LOXL3: variants seen among roughly 807,000 people sequenced by gnomAD.
The protein encoded by LOXL3 is lysyl oxidase like 3.
Under a neutral mutation model 91.8 loss-of-function variants are expected in LOXL3, and 60 were observed. The observed-to-expected ratio is 0.65, with a 90% CI of 0.53 to 0.81. The LOEUF (loss-of-function observed/expected upper bound fraction) is 0.81. Ranked by LOEUF, LOXL3 falls within the 30% of genes least tolerant of loss-of-function variation. The probability of loss-of-function intolerance (pLI) is 0.00; values close to 1 mark genes in which losing one functional copy is unlikely to be tolerated. For missense variants in LOXL3, 874 were observed against 1,000.4 expected, an observed-to-expected ratio of 0.87 and a Z score of 1.70; for synonymous variants, 355 against 387.6, an observed-to-expected ratio of 0.92 and a Z score of 0.99.
At chr2:74,555,508 G>A, upstream of LOXL3, 1 of 1,611,258 alleles carries the variant, frequency 6.2e-7, no homozygotes. This position sits in a 1 kb window ranked among gnomAD's most constrained non-coding sequence, Gnocchi z 6.1. Flanking sequence ...GAGAAATGGG[G>A]CTGCCTCAGA....
intron 9 of LOXL3, 89 bp from the exon 10 acceptor site, chr2:74,534,863 T>TTTTTTG (rs1297927577): frequency 3.5e-6 from 5 of 1,427,166 alleles, no homozygotes; most frequent in Non-Finnish European, 3.8e-6. Context: ...GTAAGACTAG[T>TTTTTTG]TTTTTGTTTT....
At position 74,535,511 on chromosome 2, in the gene LOXL3, G is replaced by A. The variant is rs912460220; in HGVS notation, c.1417-57C>T. ...CCAGGATCCAGCATCTTGGGCCAAG[G>A]GACTCATTCCTCAGCCCTCTGCCCA... On this transcript the variant is annotated intron_variant, in intron 8 of 13. Coordinates refer to ENST00000264094, the MANE Select transcript of LOXL3 (RefSeq NM_032603.5). This position sits in a 1 kb window ranked among gnomAD's most constrained non-coding sequence, Gnocchi z 4.2. 13 of 1,611,862 alleles carry A rather than the reference G, an allele frequency of 8.1e-6. No individual in the cohort carries two copies. The highest frequency in any genetic ancestry group is 1.1e-5 in the Non-Finnish European group (13 of 1,179,750).
chr2:74,539,413 G>C (rs941989244), intron 4 of LOXL3, among the ~76,000 whole-genome samples: 1 of 152,130 alleles, frequency 6.6e-6, no homozygotes, highest in Non-Finnish European at 1.5e-5. Context: ...CCAGGTGGGG[G>C]AGTTGGGAAG....
At position 74,533,340 on chromosome 2, in the gene LOXL3, A is replaced by T; in HGVS notation, c.*266T>A. On this transcript the variant is annotated 3_prime_UTR_variant, in exon 14 of 14. Transcript: ENST00000264094. The stretch of plus-strand genomic sequence containing the variant: ...TGCCATCTTTTGTGGGCAGTTAGTC[A>T]GGTGCTGCTCTTTGTGGTGTGGTGG... The T allele has an allele frequency of 1.9e-6, 1 of 534,322 alleles. No homozygotes were observed. The highest frequency in any genetic ancestry group is 3.3e-6 in the Non-Finnish European group (1 of 300,044). 33.1% of individuals were successfully genotyped at this position (534,322 alleles called of 1,614,324 possible). A position where few individuals can be genotyped will look rare whatever the true frequency, so the allele number is the denominator to read the frequency against.
intron 2 of LOXL3, 126 bp from the exon 3 acceptor site, chr2:74,550,474 G>C: frequency 1.9e-6 from 2 of 1,043,370 alleles, no homozygotes; most frequent in Non-Finnish European, 2.8e-6. Flanking sequence ...TTTCTGGTAT[G>C]ATAAGGGGTG....
chr2:74,537,199 G>A (rs892764829), intron 4 of LOXL3, among the ~76,000 whole-genome samples: 1 of 152,212 alleles, frequency 6.6e-6, no homozygotes, highest in Non-Finnish European at 1.5e-5. Flanking sequence ...GTCTCGACTT[G>A]CCTGGAAGAA....
chr2:74,534,939 C>T (rs1243344578), intron 9 of LOXL3, among the ~76,000 whole-genome samples, 165 bp from the exon 10 acceptor site: 1 of 152,166 alleles, frequency 6.6e-6, no homozygotes. Context: ...AATGCAGCGG[C>T]GTGATCTTGG....
Position 74,549,222 on chromosome 2 carries a change from C to T in LOXL3, c.692+147G>A. 1.1e-6 allele frequency: 1 copy of T among 890,416 alleles called. No individual in the cohort carries two copies. 55.2% of individuals were successfully genotyped at this position (890,416 alleles called of 1,614,324 possible). On this transcript the variant is annotated intron_variant, in intron 4 of 13. Transcript: ENST00000264094. This position sits in a 1 kb window ranked among gnomAD's most constrained non-coding sequence, Gnocchi z 5.3. ...GGTCCCACAAGATTTCCCAACTCTC[C>T]AGCTTTGCAACGGCCTCCATATTTT...
At position 74,552,388 on chromosome 2, in the gene LOXL3, A is replaced by C; in HGVS notation, c.247T>G (p.Cys83Gly). The C allele has an allele frequency of 6.2e-7, 1 of 1,613,170 alleles. No homozygotes were observed. Among genetic ancestry groups the C allele is most frequent in the South Asian group, 1.1e-5 (1 of 91,082 alleles). ...DFTLQAAHIL[C>G]RELGFTEATG... ...GCCTCTGTGAAGCCCAGCTCCCGGC[A>C]GAGGATGTGGGCAGCCTGCAGCGTG... Residue 83 changes from cysteine (C) to glycine (G), a missense_variant, in exon 2 of 14, where the codon TGC becomes GGC. Cys to Gly is a radical substitution (Grantham distance 159). Transcript: ENST00000264094.
At chr2:74,551,716 G>C (rs1437811506) in intron 2 of LOXL3, among the ~76,000 whole-genome samples, 1 of 152,254 alleles carries the variant, frequency 6.6e-6, no homozygotes, top group Non-Finnish European at 1.5e-5. Flanking sequence ...GGGAACTGGG[G>C]AATCAGCTGC....
In LOXL3 at chr2:74,552,538, G is replaced by A. The variant is rs779618483; in HGVS notation, c.97C>T (p.Pro33Ser). The A allele has an allele frequency of 4.3e-6, 7 of 1,612,954 alleles. No individual in the cohort carries two copies. Among genetic ancestry groups the A allele is most frequent in the Non-Finnish European group, 5.9e-6 (7 of 1,179,680 alleles). The part of the protein sequence containing the change: ...CLGSPSPSTG[P>S]EKKAGSQGLR... ...CCCTGGCTCCCGGCCTTCTTCTCAG[G>A]GCCCGTGGAAGGGGACGGAGACCCC... is the stretch of plus-strand genomic sequence containing the variant. The change falls in exon 2 of 14, where the codon CCT becomes TCT. Residue 33 changes from proline to serine, a missense_variant. By Grantham distance (74) the Pro-to-Ser change is moderately conservative. Transcript: ENST00000264094.
chr2:74,544,580 G>A (rs1342651287), intron 4 of LOXL3, among the ~76,000 whole-genome samples: 1 of 152,128 alleles, frequency 6.6e-6, no homozygotes, highest in Non-Finnish European at 1.5e-5. Context: ...TTCATTACCT[G>A]TAAAAGAGTA....
chr2:74,533,111 C>A lies in LOXL3; in HGVS notation c.*495G>T. On this transcript the variant is annotated 3_prime_UTR_variant, in exon 14 of 14. Coordinates refer to ENST00000264094, the MANE Select transcript of LOXL3 (RefSeq NM_032603.5). Reference sequence around the variant, plus strand: ...GGGCAGGTCCCTCCAACCACCAGCACTGACTCCTGGGCTCTGAAGAATCAC... The same window carrying A: ...GGGCAGGTCCCTCCAACCACCAGCAATGACTCCTGGGCTCTGAAGAATCAC... 1 of 794,456 alleles carries A rather than the reference C, an allele frequency of 1.3e-6. No homozygotes were observed. The highest frequency in any genetic ancestry group is 2.5e-5 in the East Asian group (1 of 39,760). The allele number at this position is 794,456 out of a possible 1,614,324, so 49.2% of individuals were successfully genotyped here.
At chr2:74,540,677 T>TC (rs1676275033) in intron 4 of LOXL3, among the ~76,000 whole-genome samples, 1 of 148,812 alleles carries the variant, frequency 6.7e-6, no homozygotes, top group African/African-American at 2.5e-5. Flanking sequence ...TTTTTTTTTT[T>TC]TGGTCTTTGA....
In LOXL3 at chr2:74,536,769, GC is replaced by G. The variant is rs757697931; in HGVS notation, c.851del (p.Gly284AlafsTer26). On this transcript the variant is annotated frameshift_variant, in exon 5 of 14. Coordinates refer to ENST00000264094, the MANE Select transcript of LOXL3 (RefSeq NM_032603.5). LOFTEE classifies it high-confidence loss of function. This position sits in a 1 kb window ranked among gnomAD's most constrained non-coding sequence, Gnocchi z 4.5. ...GGCCACTGGATGCCGCGTAGACAGG[GC>G]CTGGCACACAGCTCACCACTGCAGG... is the stretch of plus-strand genomic sequence containing the variant. ...GGPAVVSCVP[G>X]PVYAASSGQK... is the part of the protein sequence containing the mutation. 6.2e-7 allele frequency: 1 copy of G among 1,614,204 alleles called. No individual in the cohort carries two copies. The highest frequency in any genetic ancestry group is 8.5e-7 in the Non-Finnish European group (1 of 1,180,024).
Position 74,536,707 on chromosome 2 carries a change from A to C in LOXL3, c.912+2T>G, listed in dbSNP as rs1573007415. The C allele has an allele frequency of 6.2e-7, 1 of 1,613,318 alleles. No homozygotes were observed. The highest frequency in any genetic ancestry group is 1.7e-5 in the Admixed American group (1 of 59,962). ...AAAGGTCATAATCACTGTCTCACAC[A>C]CCTCCCCCTGAGGCTTCGACTGTTG... is the stretch of plus-strand genomic sequence containing the variant. On this transcript the variant is annotated splice_donor_variant, in intron 5 of 13. Transcript: ENST00000264094. LOFTEE classifies it high-confidence loss of function. The surrounding 1 kb of genome is among the most constrained non-coding windows in gnomAD (Gnocchi z 4.5).
Position 74,533,920 on chromosome 2 carries a change from T to C in LOXL3, c.2150A>G (p.Tyr717Cys), listed in dbSNP as rs1675819019. 6.2e-7 allele frequency: 1 copy of C among 1,614,080 alleles called. No individual in the cohort carries two copies. The highest frequency in any genetic ancestry group is 1.3e-5 in the African/African-American group (1 of 74,932). Residue 717 changes from tyrosine to cysteine, a missense_variant, in exon 13 of 14, where the codon TAT (tyrosine) becomes TGT (cysteine). Coordinates refer to ENST00000264094, the MANE Select transcript of LOXL3 (RefSeq NM_032603.5). ...TNNAMKCNCK[Y>C]DGHRIWVHNC... The stretch of plus-strand genomic sequence containing the variant: ...GTGCACCCAGATTCTATGTCCATCA[T>C]ATTTGCAGTTACATTTCATTGCATT...
chr2:74,550,061 C>T (rs2104444007), intron 3 of LOXL3, 124 bp downstream of exon 3: 4 of 1,475,290 alleles, frequency 2.7e-6, no homozygotes, highest in South Asian at 1.4e-5. Flanking sequence ...TTTGCTTTTC[C>T]AAGTCTCCCA....
Position 74,536,172 on chromosome 2 carries a change from C to A in LOXL3, c.1094-22G>T. 6.2e-7 allele frequency: 1 copy of A among 1,612,842 alleles called. No individual in the cohort carries two copies. Among genetic ancestry groups the A allele is most frequent in the Non-Finnish European group, 8.5e-7 (1 of 1,180,012 alleles). On this transcript the variant is annotated intron_variant, in intron 6 of 13. Transcript: ENST00000264094. The surrounding 1 kb of genome is among the most constrained non-coding windows in gnomAD (Gnocchi z 4.5). ...ATGCCTAGGGCCAGATGGCAAAGAT[C>A]AGGAAGTTGTAATTAAGCATATATT...
Sources: gnomAD v4.1 joint callset for allele counts (sites outside exome capture counted in the v4.1 genomes callset) on GRCh38, gnomAD v4.1.1 for gene constraint, Gnocchi (gnomAD v3.1) non-coding constraint, MANE v1.5 for transcripts, NCBI Gene and HGNC (gene_info 2026-07-23, HGNC 2026-07-21) for gene names.